The following LRRC1 variants were observed in gnomAD, a reference collection of about 807,000 sequenced individuals.
LRRC1 encodes leucine rich repeat containing 1.
In LRRC1, 28 loss-of-function variants were observed where a neutral mutation model predicts 69.9. The observed-to-expected ratio is 0.40, with a 90% CI of 0.30 to 0.55. The LOEUF is 0.55. LRRC1 is among the 20% of genes least tolerant of loss of function. LRRC1 has a pLI of 0.47. For missense variants in LRRC1, 498 were observed against 609.0 expected (o/e 0.82, Z 1.92); for synonymous variants, 236 against 240.2 (o/e 0.98, Z 0.16).
chr6:53,894,675 A>T (rs1269256668), intron 4 of LRRC1, among the ~76,000 whole-genome samples: 1 of 152,222 alleles, frequency 6.6e-6, no homozygotes, highest in East Asian at 1.9e-4. Context: ...TTTAAAACTG[A>T]AAACAAAGCC....
chr6:53,894,139 G>C (rs916151888), intron 4 of LRRC1, among the ~76,000 whole-genome samples: 5 of 152,206 alleles, frequency 3.3e-5, no homozygotes, highest in Non-Finnish European at 5.9e-5. Flanking sequence ...CAGTCAGTGA[G>C]GGTGAGGGCA....
chr6:53,839,718 T>C (rs972038488), intron 1 of LRRC1, among the ~76,000 whole-genome samples: 1 of 152,208 alleles, frequency 6.6e-6, no homozygotes, highest in Admixed American at 6.5e-5. Context: ...GTTTTACCAA[T>C]ATAGATATTA....
intron 1 of LRRC1, among the ~76,000 whole-genome samples, 157 bp from the exon 2 acceptor site, chr6:53,841,953 C>T (rs932278374): frequency 6.6e-6 from 1 of 152,140 alleles, no homozygotes; most frequent in Non-Finnish European, 1.5e-5. Flanking sequence ...CCAATGGTAA[C>T]ATCTTCACAA....
At position 53,897,314 on chromosome 6, in the gene LRRC1, A is replaced by G. The variant is rs751524979; in HGVS notation, c.597A>G (p.Leu199=). 18 of 1,612,562 alleles carry G rather than the reference A, an allele frequency of 1.1e-5. No homozygotes were observed. The highest frequency in any genetic ancestry group is 1.3e-5 in the African/African-American group (1 of 74,892). Residue 199 remains leucine (L), a synonymous_variant, in exon 7 of 14, where the codon CTA becomes CTG. Coordinates refer to ENST00000370888, the MANE Select transcript of LRRC1 (RefSeq NM_018214.5). ...AATCAATTGGAGCCCTCTTACATCT[A>G]AAAGATCTCTGGTTGGATGGAAATC... ...LPESIGALLH[L]KDLWLDGNQL...
chr6:53,866,037 A>G lies in LRRC1; in HGVS notation c.278-12956A>G, dbSNP rs570708429. On this transcript the variant is annotated intron_variant, in intron 2 of 13. Transcript: ENST00000370888. ...GCCTGGCTAAGACTCAGTTCTTTCT[A>G]TATTGACAGAGGTCTTGATATTTCC... Among the ~76,000 whole-genome samples, 5 of 152,052 alleles carry G rather than the reference A, an allele frequency of 3.3e-5. No individual in the cohort carries two copies. The East Asian group carries it at 7.8e-4, about 24-fold the overall frequency.
At chr6:53,831,388 A>C (rs745892372) in intron 1 of LRRC1, among the ~76,000 whole-genome samples, 1 of 152,132 alleles carries the variant, frequency 6.6e-6, no homozygotes, top group Non-Finnish European at 1.5e-5. Flanking sequence ...GCGATATTCT[A>C]TTGCTTGACC....
intron 2 of LRRC1, among the ~76,000 whole-genome samples, chr6:53,856,383 A>G (rs1766309814): frequency 6.6e-6 from 1 of 152,176 alleles, no homozygotes; most frequent in African/African-American, 2.4e-5. Context: ...CAGTGTGGAA[A>G]GTCCTGTCTC....
chr6:53,878,037 G>A (rs189818716), intron 2 of LRRC1, among the ~76,000 whole-genome samples: 121 of 152,286 alleles, frequency 7.9e-4, no homozygotes, highest in Middle Eastern at 3.4e-3. Flanking sequence ...CACGGTGGAA[G>A]GCAAGGAGGA....
At chr6:53,840,273 A>G (rs1765731047) in intron 1 of LRRC1, among the ~76,000 whole-genome samples, 1 of 152,206 alleles carries the variant, frequency 6.6e-6, no homozygotes, top group Admixed American at 6.5e-5. Flanking sequence ...TAGGTTGGGA[A>G]TAATGATTTT....
intron 2 of LRRC1, among the ~76,000 whole-genome samples, chr6:53,862,026 C>G (rs1766543360): frequency 6.6e-6 from 1 of 152,060 alleles, no homozygotes; most frequent in African/African-American, 2.4e-5. Context: ...ATTCCCATGG[C>G]CTAAGGAAGG....
chr6:53,820,290 A>G (rs1346174418), intron 1 of LRRC1, among the ~76,000 whole-genome samples: 1 of 151,674 alleles, frequency 6.6e-6, no homozygotes, highest in Non-Finnish European at 1.5e-5. Context: ...CTCTTCAGCA[A>G]GTTAACTTCT....
intron 1 of LRRC1, among the ~76,000 whole-genome samples, chr6:53,811,166 C>A (rs1237360798): frequency 6.6e-6 from 1 of 152,168 alleles, no homozygotes; most frequent in African/African-American, 2.4e-5. Context: ...TGTGTCTAAC[C>A]ACTCTGTTTT....
intron 1 of LRRC1, among the ~76,000 whole-genome samples, chr6:53,799,207 C>A (rs1255689152): frequency 6.6e-6 from 1 of 152,262 alleles, no homozygotes; most frequent in African/African-American, 2.4e-5. Context: ...TCTCAAATGC[C>A]TGCCCCCTAC....
intron 2 of LRRC1, among the ~76,000 whole-genome samples, chr6:53,844,903 T>G (rs1236516658): frequency 1.3e-5 from 2 of 152,022 alleles, no homozygotes; most frequent in Non-Finnish European, 2.9e-5. Flanking sequence ...TGGAGGTTAT[T>G]AAAAGAAAGA....
In LRRC1 at chr6:53,920,658, T is replaced by A; in HGVS notation, c.1313T>A (p.Leu438Ter). 1 of 1,614,180 alleles carries A rather than the reference T, an allele frequency of 6.2e-7. No homozygotes were observed. Among genetic ancestry groups the A allele is most frequent in the Non-Finnish European group, 8.5e-7 (1 of 1,180,014 alleles). Residue 438 changes from leucine to a stop codon, truncating the protein, a stop_gained, in exon 13 of 14, where the codon TTG becomes TAG. Coordinates refer to ENST00000370888, the MANE Select transcript of LRRC1 (RefSeq NM_018214.5). LOFTEE classifies it high-confidence loss of function. Reference protein sequence around the residue: ...NLPRCGALENLVNDVSDEAWN... With the variant: ...NLPRCGALEN ...CCTCGCTGTGGTGCACTGGAGAACT[T>A]GGTAAATGATGTCTCTGATGAAGCC...
chr6:53,813,173 A>C (rs1764846300), intron 1 of LRRC1, among the ~76,000 whole-genome samples: 2 of 152,032 alleles, frequency 1.3e-5, no homozygotes, highest in South Asian at 4.1e-4. Flanking sequence ...GCCATGGGAG[A>C]GGTCATGGCC....
chr6:53,853,092 T>G (rs1766190959), intron 2 of LRRC1, among the ~76,000 whole-genome samples: 1 of 152,104 alleles, frequency 6.6e-6, no homozygotes, highest in African/African-American at 2.4e-5. Flanking sequence ...TTTCTTTTTA[T>G]TGTTCCATCT....
In LRRC1 at chr6:53,894,174, T is replaced by C. The variant is rs79411531; in HGVS notation, c.447-2324T>C. Among the ~76,000 whole-genome samples the C allele has an allele frequency of 3.2e-3, 484 of 152,320 alleles. 7 individuals carry two copies. In the East Asian group the frequency reaches 0.041, roughly 13 times the overall value. ...AGGAGCTTTGGCATTTGGCCAGGGTTGAATTGTGGTTTTGCCTGTTTCTAT... is the reference window on the plus strand; with the variant it reads ...AGGAGCTTTGGCATTTGGCCAGGGTCGAATTGTGGTTTTGCCTGTTTCTAT... On this transcript the variant is annotated intron_variant, in intron 4 of 13. Transcript: ENST00000370888.
chr6:53,826,943 G>T (rs1765282738), intron 1 of LRRC1, among the ~76,000 whole-genome samples: 1 of 151,884 alleles, frequency 6.6e-6, no homozygotes, highest in Non-Finnish European at 1.5e-5. Context: ...GGCCCAACTT[G>T]CATAAGGTAT....
Sources: allele counts gnomAD v4.1 joint callset (sites outside exome capture counted in the v4.1 genomes callset), GRCh38; gene constraint gnomAD v4.1.1; transcripts MANE v1.5; gene names NCBI Gene and HGNC (gene_info 2026-07-23, HGNC 2026-07-21).